PEBP4: variants seen among roughly 807,000 people sequenced by gnomAD.
The protein encoded by PEBP4 is phosphatidylethanolamine-binding protein 4.
Under a neutral mutation model 23.9 loss-of-function variants are expected in PEBP4, and 22 were observed. The observed-to-expected ratio is 0.92, with a 90% CI of 0.66 to 1.31. The LOEUF (loss-of-function observed/expected upper bound fraction) is 1.31, where lower values mean the gene tolerates loss of function less well. PEBP4 is among the 40% of genes most tolerant of loss of function. The pLI, the probability that PEBP4 is intolerant of heterozygous loss-of-function variation, is 0.00. For missense variants in PEBP4, 324 were observed against 281.7 expected (o/e 1.15, Z -1.07); for synonymous variants, 112 against 99.3 (o/e 1.13, Z -0.76).
intron 4 of PEBP4, among the ~76,000 whole-genome samples, chr8:22,774,114 T>A (rs1380892729): frequency 6.6e-6 from 1 of 152,158 alleles, no homozygotes; most frequent in Non-Finnish European, 1.5e-5. Context: ...AGGAAAGTGC[T>A]CTGTCGATCA....
At chr8:22,924,111 C>A (rs1256583143) in intron 2 of PEBP4, among the ~76,000 whole-genome samples, 2 of 152,136 alleles carry the variant, frequency 1.3e-5, no homozygotes, top group African/African-American at 4.8e-5. Flanking sequence ...GCCTGTAATA[C>A]CGGCACTTTG....
At chr8:22,821,617 G>A (rs1435739544) in intron 3 of PEBP4, among the ~76,000 whole-genome samples, 1 of 152,118 alleles carries the variant, frequency 6.6e-6, no homozygotes, top group Non-Finnish European at 1.5e-5. Flanking sequence ...TGCCTGGGGA[G>A]AATCTGTAGA....
At chr8:22,875,163 C>A (rs866678621) in intron 3 of PEBP4, among the ~76,000 whole-genome samples, 25 of 152,034 alleles carry the variant, frequency 1.6e-4, no homozygotes, top group African/African-American at 5.1e-4. Context: ...TTTTCGCCCC[C>A]GAGACTCAGG....
chr8:22,750,142 C>T (rs1009765588), intron 4 of PEBP4, among the ~76,000 whole-genome samples: 2 of 149,554 alleles, frequency 1.3e-5, no homozygotes, highest in Non-Finnish European at 3.0e-5. Context: ...CGCTCCATTG[C>T]CCAGGCTGGA....
intron 4 of PEBP4, among the ~76,000 whole-genome samples, chr8:22,791,694 T>C (rs1806144019): frequency 6.6e-6 from 1 of 152,242 alleles, no homozygotes; most frequent in Non-Finnish European, 1.5e-5. Context: ...TGTAACTCAG[T>C]GCAGACTCCT....
At chr8:22,797,745 G>A (rs1585278237) in intron 4 of PEBP4, among the ~76,000 whole-genome samples, 2 of 152,292 alleles carry the variant, frequency 1.3e-5, no homozygotes, top group South Asian at 4.1e-4. Context: ...GGGCAATGAT[G>A]CAGTGTATCA....
intron 4 of PEBP4, among the ~76,000 whole-genome samples, chr8:22,800,601 T>A (rs1806362086): frequency 6.6e-6 from 1 of 152,110 alleles, no homozygotes; most frequent in Admixed American, 6.5e-5. Flanking sequence ...GTCTCTGTCT[T>A]CTCTCCCTGG....
At chr8:22,846,227 G>C (rs1193445669) in intron 3 of PEBP4, among the ~76,000 whole-genome samples, 7 of 152,168 alleles carry the variant, frequency 4.6e-5, no homozygotes, top group Admixed American at 4.6e-4. Context: ...GCTGCACACT[G>C]GGAGGCAGAT....
In PEBP4 at chr8:22,786,113, C is replaced by T. The variant is rs1193880568; in HGVS notation, c.357+31524G>A. On this transcript the variant is annotated intron_variant, in intron 4 of 6. Coordinates refer to ENST00000256404, the MANE Select transcript of PEBP4 (RefSeq NM_144962.3). Reference sequence around the variant, plus strand: ...TTCCCTTCCTCCTATCCCCTTCATCCGGCTTTTTGTCTCCCAGCAATAGAA... The same window carrying T: ...TTCCCTTCCTCCTATCCCCTTCATCTGGCTTTTTGTCTCCCAGCAATAGAA... Among the ~76,000 whole-genome samples, 11 of 152,296 alleles carry T rather than the reference C, an allele frequency of 7.2e-5. No individual in the cohort carries two copies. In the East Asian group the frequency reaches 1.9e-3, roughly 27 times the overall value.
intron 3 of PEBP4, among the ~76,000 whole-genome samples, chr8:22,822,869 A>G (rs1356414220): frequency 6.6e-6 from 1 of 152,076 alleles, no homozygotes; most frequent in Non-Finnish European, 1.5e-5. Flanking sequence ...AATGTCAATA[A>G]ACCTTCAATT....
chr8:22,940,346 TGAG>T (rs1347239687), intron 1 of PEBP4, among the ~76,000 whole-genome samples: 1 of 152,176 alleles, frequency 6.6e-6, no homozygotes, highest in Admixed American at 6.5e-5. Context: ...GTGGCCTTTC[TGAG>T]GAGAATTAGA....
At chr8:22,766,396 A>G (rs1563209595) in intron 4 of PEBP4, among the ~76,000 whole-genome samples, 1 of 152,260 alleles carries the variant, frequency 6.6e-6, no homozygotes, top group East Asian at 1.9e-4. Context: ...CGATAACATA[A>G]CCCTCTGTGC....
chr8:22,858,454 C>T (rs545643741), intron 3 of PEBP4, among the ~76,000 whole-genome samples: 106 of 152,334 alleles, frequency 7.0e-4, no homozygotes, highest in African/African-American at 2.4e-3. Flanking sequence ...CTGTCAAATG[C>T]TTGGCCCCAG....
At chr8:22,842,169 A>C (rs1006563550) in intron 3 of PEBP4, among the ~76,000 whole-genome samples, 1 of 152,254 alleles carries the variant, frequency 6.6e-6, no homozygotes, top group African/African-American at 2.4e-5. Flanking sequence ...GTGGGTAGTC[A>C]ACTCGTCTAA....
chr8:22,821,300 C>T (rs947774631), intron 3 of PEBP4, among the ~76,000 whole-genome samples: 8 of 152,168 alleles, frequency 5.3e-5, no homozygotes, highest in African/African-American at 1.9e-4. Flanking sequence ...AACTGCAATA[C>T]TCTGGAGAAA....
chr8:22,810,707 T>TGA (rs1806604043), intron 4 of PEBP4, among the ~76,000 whole-genome samples: 1 of 127,686 alleles, frequency 7.8e-6, no homozygotes, highest in Non-Finnish European at 1.7e-5. Context: ...TGTGTGTGTG[T>TGA]GTGTGTGAGA....
In PEBP4 at chr8:22,865,031, G is replaced by A. The variant is rs181559375; in HGVS notation, c.259-47296C>T. 2.4e-3 allele frequency among the ~76,000 whole-genome samples: 373 copies of A among 152,318 alleles called. 1 individual carries two copies. Among genetic ancestry groups the A allele is most frequent in the African/African-American group, 8.2e-3 (341 of 41,572 alleles). Reference sequence around the variant, plus strand: ...GGTGTGACCGTGAGAGAGGGAGGCAGGCGGCGAGGCCAAGGGGTAGGTCAC... The same window carrying A: ...GGTGTGACCGTGAGAGAGGGAGGCAAGCGGCGAGGCCAAGGGGTAGGTCAC... On this transcript the variant is annotated intron_variant, in intron 3 of 6. Transcript: ENST00000256404. The surrounding 1 kb of genome is among the most constrained non-coding windows in gnomAD (Gnocchi z 6.9).
At chr8:22,929,056 C>T (rs762152138), upstream of PEBP4, among the ~76,000 whole-genome samples, 4 of 152,194 alleles carry the variant, frequency 2.6e-5, no homozygotes, top group Non-Finnish European at 5.9e-5. Flanking sequence ...CCCAAGATCT[C>T]CCCTAGTGGA....
intron 3 of PEBP4, chr8:22,888,013 C>T (rs1426755009): frequency 2.0e-5 from 3 of 152,024 alleles, no homozygotes; most frequent in East Asian, 1.9e-4. Flanking sequence ...GGAGTGAGTG[C>T]TCTCATTTTA....
Sources: gnomAD v4.1 joint callset for allele counts (sites outside exome capture counted in the v4.1 genomes callset) on GRCh38, gnomAD v4.1.1 for gene constraint, Gnocchi (gnomAD v3.1) non-coding constraint, MANE v1.5 for transcripts, NCBI Gene and HGNC (gene_info 2026-07-23, HGNC 2026-07-21) for gene names.